The following SCYL2 variants were observed in gnomAD, a reference collection of about 807,000 sequenced individuals.
The protein encoded by SCYL2 is SCY1-like protein 2.
Under a neutral mutation model 100.4 loss-of-function variants are expected in SCYL2, and 36 were observed. The ratio of observed to expected loss-of-function variants is 0.36; its 90% CI spans 0.27 to 0.47. SCYL2 has a LOEUF of 0.47. Among genes scored for constraint, SCYL2 ranks in the 20% least tolerant of loss-of-function variants. SCYL2 has a pLI of 1.00. For synonymous variants in SCYL2, 330 were observed against 359.2 expected (o/e 0.92, Z 0.92); for missense variants, 902 against 1,083.9 (o/e 0.83, Z 2.36).
intron 4 of SCYL2, among the ~76,000 whole-genome samples, chr12:100,310,699 G>C (rs1371648139): frequency 6.6e-6 from 1 of 152,186 alleles, no homozygotes; most frequent in Non-Finnish European, 1.5e-5. Context: ...TTCACTGTCT[G>C]CAACTCAAGA....
chr12:100,309,307 A>G (rs2096338957), intron 4 of SCYL2, among the ~76,000 whole-genome samples: 1 of 151,966 alleles, frequency 6.6e-6, no homozygotes. Flanking sequence ...AACCATCACC[A>G]CCATACATCT....
chr12:100,292,071 T>G (rs946538301), intron 3 of SCYL2: 5 of 155,996 alleles, frequency 3.2e-5, no homozygotes, highest in African/African-American at 1.2e-4. Context: ...CACTTAACCT[T>G]CTACTATGCC....
intron 16 of SCYL2, 125 bp from the exon 17 acceptor site, chr12:100,337,262 C>T (rs1246523653): frequency 8.4e-7 from 1 of 1,190,296 alleles, no homozygotes; most frequent in Non-Finnish European, 1.2e-6. Context: ...TGACAATCAC[C>T]AAGACAAGAG....
intron 1 of SCYL2, among the ~76,000 whole-genome samples, chr12:100,271,193 T>C (rs1281683790): frequency 6.7e-6 from 1 of 148,518 alleles, no homozygotes; most frequent in Non-Finnish European, 1.5e-5. Flanking sequence ...AGCAGAAATG[T>C]ATATTTCAAG....
intron 2 of SCYL2, among the ~76,000 whole-genome samples, chr12:100,286,106 A>T (rs2135839671): frequency 6.6e-6 from 1 of 152,276 alleles, no homozygotes; most frequent in African/African-American, 2.4e-5. Flanking sequence ...CACCATATAC[A>T]TCTAATTTCT....
chr12:100,314,724 C>A, intron 8 of SCYL2, 110 bp downstream of exon 8: 1 of 1,104,224 alleles, frequency 9.1e-7, no homozygotes, highest in Non-Finnish European at 1.3e-6. Flanking sequence ...GCCTGAGGTA[C>A]ATAAATGACT....
rs1165012000 is a variant in SCYL2, at chr12:100,339,748, A to G, written c.*576A>G. The G allele has an allele frequency of 6.5e-6, 1 of 152,688 alleles. No individual in the cohort carries two copies. The highest frequency in any genetic ancestry group is 1.5e-5 in the Non-Finnish European group (1 of 68,088). 9.5% of individuals were successfully genotyped at this position (152,688 alleles called of 1,614,324 possible). A position where few individuals can be genotyped will look rare whatever the true frequency, so the allele number is the denominator to read the frequency against. On this transcript the variant is annotated 3_prime_UTR_variant, in exon 18 of 18. Transcript: ENST00000360820. Reference sequence around the variant, plus strand: ...GTACAGAGACTGAGCAAATACTACAAAATTCAACTTAACCTTCATTTCATT... The same window carrying G: ...GTACAGAGACTGAGCAAATACTACAGAATTCAACTTAACCTTCATTTCATT...
At chr12:100,283,174 G>A (rs748965433) in intron 2 of SCYL2, 27 bp downstream of exon 2, 5 of 1,551,314 alleles carry the variant, frequency 3.2e-6, no homozygotes, top group Admixed American at 2.0e-5. Context: ...CATCCACTTG[G>A]AAAAAACCCA....
intron 14 of SCYL2, among the ~76,000 whole-genome samples, chr12:100,335,417 A>G (rs1162333601): frequency 2.0e-5 from 3 of 152,052 alleles, no homozygotes; most frequent in African/African-American, 7.2e-5. Flanking sequence ...GTAAATCCCC[A>G]ATGTTGAGTT....
At chr12:100,310,405 C>T (rs2096340831) in intron 4 of SCYL2, among the ~76,000 whole-genome samples, 1 of 152,124 alleles carries the variant, frequency 6.6e-6, no homozygotes, top group African/African-American at 2.4e-5. Context: ...AGCATCTTTT[C>T]ATGTGTTTAT....
At chr12:100,329,051 A>G in intron 12 of SCYL2, 150 bp from the exon 13 acceptor site, 2 of 528,510 alleles carry the variant, frequency 3.8e-6, no homozygotes, top group Non-Finnish European at 6.8e-6. Context: ...ATTCTGATTC[A>G]TATGTAAGAA....
At chr12:100,281,877 A>AGTGTAAAG (rs2096298959) in intron 1 of SCYL2, among the ~76,000 whole-genome samples, 1 of 152,048 alleles carries the variant, frequency 6.6e-6, no homozygotes, top group Admixed American at 6.6e-5. Flanking sequence ...TGCTTAGTAA[A>AGTGTAAAG]GTGTAAAGTG....
intron 6 of SCYL2, among the ~76,000 whole-genome samples, chr12:100,313,025 C>T (rs931760809): frequency 1.3e-5 from 2 of 151,952 alleles, no homozygotes; most frequent in Non-Finnish European, 2.9e-5. Flanking sequence ...CTTGGAAGGC[C>T]GATCAGGGTG....
At position 100,339,019 on chromosome 12, in the gene SCYL2, T is replaced by G; in HGVS notation, c.2637T>G (p.Ser879Arg). The change falls in exon 18 of 18, where the codon AGT becomes AGG. Residue 879 changes from serine to arginine, a missense_variant. Coordinates refer to ENST00000360820, the MANE Select transcript of SCYL2 (RefSeq NM_017988.6). ...CTCAAGGTTCTCCAACTATGGGCAG[T>G]TCAGTAATGGGGACACAGATGAACG... ...VPPQGSPTMG[S>R]SVMGTQMNVI... 1 of 1,614,138 alleles carries G rather than the reference T, an allele frequency of 6.2e-7. No individual in the cohort carries two copies. The highest frequency in any genetic ancestry group is 1.7e-5 in the Admixed American group (1 of 60,022).
chr12:100,320,635 C>T (rs1036255503), intron 10 of SCYL2, among the ~76,000 whole-genome samples: 1 of 152,050 alleles, frequency 6.6e-6, no homozygotes, highest in Non-Finnish European at 1.5e-5. Context: ...AGAGCTCTCC[C>T]TATGTTAGCT....
chr12:100,314,385 T>C (rs2096345962), intron 7 of SCYL2, 104 bp from the exon 8 acceptor site: 1 of 776,798 alleles, frequency 1.3e-6, no homozygotes, highest in Non-Finnish European at 2.0e-6. Context: ...AGCATTTTGC[T>C]AAATGTTTCT....
intron 8 of SCYL2, among the ~76,000 whole-genome samples, chr12:100,315,251 G>A (rs117537624): frequency 0.012 from 1,816 of 152,304 alleles, 14 homozygotes; most frequent in Non-Finnish European, 0.019. Flanking sequence ...TGTGTGGTAT[G>A]AATCGTAAGT....
At chr12:100,294,341 C>G (rs1210583621) in intron 3 of SCYL2, among the ~76,000 whole-genome samples, 3 of 108,074 alleles carry the variant, frequency 2.8e-5, no homozygotes, top group Admixed American at 8.5e-5. Flanking sequence ...TGGGCAGAGG[C>G]GCCCCTCACC....
chr12:100,304,043 T>A (rs1406592321), intron 4 of SCYL2, among the ~76,000 whole-genome samples: 1 of 152,266 alleles, frequency 6.6e-6, no homozygotes, highest in Admixed American at 6.5e-5. Context: ...TCTACGCGGC[T>A]TTGTTTACAC....
Sources: gnomAD v4.1 joint callset for allele counts (sites outside exome capture counted in the v4.1 genomes callset) on GRCh38, gnomAD v4.1.1 for gene constraint, MANE v1.5 for transcripts, NCBI Gene and HGNC (gene_info 2026-07-23, HGNC 2026-07-21) for gene names.